Variants in LRRC49 observed in about 807,000 individuals in gnomAD.
LRRC49 encodes the protein leucine-rich repeat-containing protein 49.
LRRC49 carries 50 observed loss-of-function variants against 83.3 expected under a neutral mutation model. The ratio of observed to expected loss-of-function variants is 0.60; its 90% CI spans 0.48 to 0.76. The LOEUF (loss-of-function observed/expected upper bound fraction) is 0.76, where lower values mean the gene tolerates loss of function less well. Among genes scored for constraint, LRRC49 ranks in the 30% least tolerant of loss-of-function variants. The probability of loss-of-function intolerance (pLI) is 0.00; values close to 1 mark genes in which losing one functional copy is unlikely to be tolerated. For missense variants in LRRC49, 704 were observed against 809.1 expected, an observed-to-expected ratio of 0.87 and a Z score of 1.58; for synonymous variants, 286 against 283.3, an observed-to-expected ratio of 1.01 and a Z score of -0.10.
intron 8 of LRRC49, among the ~76,000 whole-genome samples, chr15:70,945,794 G>A (rs2035988208): frequency 6.6e-6 from 1 of 152,024 alleles, no homozygotes; most frequent in Non-Finnish European, 1.5e-5. Flanking sequence ...TCTCCATAAG[G>A]AGGATACTTC....
intron 8 of LRRC49, among the ~76,000 whole-genome samples, chr15:70,937,658 G>C (rs1392744038): frequency 6.6e-6 from 1 of 152,018 alleles, no homozygotes; most frequent in African/African-American, 2.4e-5. Context: ...TTTGTGTGTT[G>C]TCTGTTGGCA....
intron 10 of LRRC49, among the ~76,000 whole-genome samples, chr15:70,981,497 A>G (rs1331565201): frequency 6.9e-6 from 1 of 144,630 alleles, no homozygotes; most frequent in African/African-American, 2.5e-5. Context: ...AGTATAATTT[A>G]AAAAAAAAAA....
Position 71,050,448 on chromosome 15 carries a change from T to G in LRRC49, c.*836T>G, listed in dbSNP as rs2141318788. ...TTAGGGATGCATGAGTGAAGGGTTC[T>G]AATTTTTAAAATTTCATTTGAAGAT... On this transcript the variant is annotated 3_prime_UTR_variant, in exon 16 of 16. Transcript: ENST00000260382. 1 of 152,374 alleles carries G rather than the reference T, an allele frequency of 6.6e-6. No homozygotes were observed. Among genetic ancestry groups the G allele is most frequent in the East Asian group, 1.9e-4 (1 of 5,190 alleles). The allele number at this position is 152,374 out of a possible 1,614,324, so 9.4% of individuals were successfully genotyped here. A position where few individuals can be genotyped will look rare whatever the true frequency, so the allele number is the denominator to read the frequency against.
chr15:70,871,717 G>A (rs1470106418), intron 1 of LRRC49, among the ~76,000 whole-genome samples: 1 of 150,882 alleles, frequency 6.6e-6, no homozygotes. Flanking sequence ...CCTCCCAGAC[G>A]GGGTGGTGGT....
chr15:70,913,507 TAA>T (rs2034635684), intron 6 of LRRC49, among the ~76,000 whole-genome samples: 1 of 152,006 alleles, frequency 6.6e-6, no homozygotes. Flanking sequence ...GAAGAAGAAT[TAA>T]AGAGTATTGA....
intron 6 of LRRC49, among the ~76,000 whole-genome samples, chr15:70,917,119 C>T (rs2034812384): frequency 6.6e-6 from 1 of 152,178 alleles, no homozygotes. Context: ...TCCCTCTGAA[C>T]TTTTGGTGCC....
rs1453043547 is a variant in LRRC49 at position 70,984,088 on chromosome 15, T to C, written c.1006-6T>C. On this transcript the variant is annotated splice_region_variant and splice_polypyrimidine_tract_variant and intron_variant, in intron 10 of 15. Transcript: ENST00000260382. The stretch of plus-strand genomic sequence containing the variant: ...ATAACTTTTGTCACAATTAACTTTT[T>C]CATAGGAGAAGAAAAGGTTAACAAT... The C allele has an allele frequency of 1.2e-6, 2 of 1,611,988 alleles. No homozygotes were observed. Among genetic ancestry groups the C allele is most frequent in the South Asian group, 1.1e-5 (1 of 90,908 alleles).
intron 8 of LRRC49, among the ~76,000 whole-genome samples, chr15:70,939,874 G>A (rs974067835): frequency 8.4e-5 from 12 of 142,026 alleles, no homozygotes; most frequent in African/African-American, 2.9e-4. Context: ...TTTTTAGGAA[G>A]GAATGCTGTT....
intron 4 of LRRC49, among the ~76,000 whole-genome samples, chr15:70,902,175 G>A (rs1454368204): frequency 6.6e-6 from 1 of 152,144 alleles, no homozygotes; most frequent in African/African-American, 2.4e-5. Context: ...AATGTTTTGA[G>A]GGATTTTTTT....
At chr15:71,020,587 T>TA (rs1301895307) in intron 14 of LRRC49, among the ~76,000 whole-genome samples, 5 of 152,142 alleles carry the variant, frequency 3.3e-5, no homozygotes, top group Non-Finnish European at 5.9e-5. Context: ...AAAGAGAAGT[T>TA]ACCTTCAAAA....
At chr15:70,999,515 G>C (rs879711533) in intron 11 of LRRC49, among the ~76,000 whole-genome samples, 2 of 152,114 alleles carry the variant, frequency 1.3e-5, no homozygotes, top group Non-Finnish European at 2.9e-5. Flanking sequence ...CTATCGATTG[G>C]TTCTGTTTTG....
chr15:70,896,054 G>T (rs1466872908), intron 3 of LRRC49, 118 bp downstream of exon 3: 19 of 614,044 alleles, frequency 3.1e-5, no homozygotes, highest in Non-Finnish European at 4.9e-5. Flanking sequence ...ATTGTTCATT[G>T]GGACCAAATT....
intron 9 of LRRC49, among the ~76,000 whole-genome samples, chr15:70,974,447 A>C (rs1293432479): frequency 6.6e-6 from 1 of 152,236 alleles, no homozygotes; most frequent in Non-Finnish European, 1.5e-5. Context: ...CTGTACTGGC[A>C]TGCCATGAGG....
At chr15:70,999,261 C>A (rs997411964) in intron 11 of LRRC49, among the ~76,000 whole-genome samples, 3 of 152,024 alleles carry the variant, frequency 2.0e-5, no homozygotes, top group African/African-American at 7.2e-5. Flanking sequence ...TGAAACTGGA[C>A]ATTTATGTGA....
chr15:71,047,652 A>T (rs920939041), intron 15 of LRRC49, among the ~76,000 whole-genome samples: 3 of 152,164 alleles, frequency 2.0e-5, no homozygotes, highest in Non-Finnish European at 2.9e-5. Context: ...TTCTTTTCCT[A>T]TTTAGATGCT....
At chr15:71,045,506 C>A (rs2039827882) in intron 15 of LRRC49, among the ~76,000 whole-genome samples, 1 of 152,106 alleles carries the variant, frequency 6.6e-6, no homozygotes, top group African/African-American at 2.4e-5. Flanking sequence ...CAGTATTCTA[C>A]AGAGTATTTT....
chr15:70,963,125 C>T (rs2036665041), intron 8 of LRRC49, among the ~76,000 whole-genome samples: 1 of 150,964 alleles, frequency 6.6e-6, no homozygotes, highest in South Asian at 2.1e-4. Context: ...AAAAGTAAAA[C>T]ATTAGCCAGG....
intron 1 of LRRC49, among the ~76,000 whole-genome samples, chr15:70,867,592 G>A (rs1248999516): frequency 2.6e-5 from 4 of 152,144 alleles, no homozygotes; most frequent in Non-Finnish European, 1.5e-5. Flanking sequence ...ATATGGAAGT[G>A]CATAAAGATT....
chr15:70,936,639 TC>T (rs2035609005), intron 7 of LRRC49, 121 bp from the exon 8 acceptor site: 1 of 658,530 alleles, frequency 1.5e-6, no homozygotes, highest in East Asian at 2.7e-5. Context: ...CCAGTAGAAA[TC>T]AGTGATGTAG....
Sources: allele counts gnomAD v4.1 joint callset (sites outside exome capture counted in the v4.1 genomes callset), GRCh38; gene constraint gnomAD v4.1.1; transcripts MANE v1.5; gene names NCBI Gene and HGNC (gene_info 2026-07-23, HGNC 2026-07-21).